PI16: variants seen among roughly 807,000 people sequenced by gnomAD.
PI16 encodes PSP94-binding protein.
A neutral mutation model predicts 38.0 loss-of-function variants in PI16; 35 were observed. The ratio of observed to expected loss-of-function variants is 0.92; its 90% CI spans 0.70 to 1.22. The LOEUF is 1.22. Ranked by LOEUF, PI16 falls within the 50% of genes most tolerant of loss-of-function variation. The probability of loss-of-function intolerance (pLI) is 0.00; values close to 1 mark genes in which losing one functional copy is unlikely to be tolerated. For synonymous variants in PI16, 275 were observed against 252.9 expected (o/e 1.09, Z -0.83); for missense variants, 572 against 593.8 (o/e 0.96, Z 0.38).
At position 36,954,909 on chromosome 6, in the gene PI16, C is replaced by G. The variant is rs751280961; in HGVS notation, c.149C>G (p.Thr50Arg). ...HNLYRAQVSPTASDMLHMRWD... is the reference protein window; with the variant it reads ...HNLYRAQVSPRASDMLHMRWD... Reference sequence around the variant, plus strand: ...CTCTACCGGGCCCAGGTATCCCCGACGGCCTCAGACATGCTGCACATGGTA... The same window carrying G: ...CTCTACCGGGCCCAGGTATCCCCGAGGGCCTCAGACATGCTGCACATGGTA... Residue 50 changes from threonine (T) to arginine (R), a missense_variant, in exon 1 of 7, where the codon ACG becomes AGG. Transcript: ENST00000373674. The G allele has an allele frequency of 3.7e-6, 6 of 1,613,228 alleles. No homozygotes were observed. The South Asian group carries it at 6.6e-5, about 18-fold the overall frequency.
chr6:36,961,459 G>T lies in PI16; in HGVS notation c.402G>T (p.Trp134Cys). 1 of 1,614,180 alleles carries T rather than the reference G, an allele frequency of 6.2e-7. No individual in the cohort carries two copies. Among genetic ancestry groups the T allele is most frequent in the Non-Finnish European group, 8.5e-7 (1 of 1,180,016 alleles). The change falls in exon 3 of 7, where the codon TGG becomes TGT. Residue 134 changes from tryptophan to cysteine, a missense_variant. Physicochemically the swap from Trp to Cys is radical, Grantham distance 215 (BLOSUM62 -2). Transcript: ENST00000373674. ...QMCGHYTQVV[W>C]AKTERIGCGS... ...GGTTTGCCCTTCATCAGGTGGTATG[G>T]GCCAAGACAGAGAGGATCGGCTGTG...
At chr6:36,964,279 G>A (rs1022528561) in intron 6 of PI16, 107 bp from the exon 7 acceptor site, 4 of 214,824 alleles carry the variant, frequency 1.9e-5, no homozygotes, top group African/African-American at 9.3e-5. Context: ...CCAGACAGAG[G>A]ATCTCAGGCT....
intron 1 of PI16, among the ~76,000 whole-genome samples, chr6:36,958,049 A>G (rs573978316): frequency 1.3e-5 from 2 of 152,338 alleles, no homozygotes; most frequent in South Asian, 4.1e-4. Context: ...ACAGCTGTGG[A>G]GCTATCCCAG....
In PI16 at chr6:36,963,508, A is replaced by T; in HGVS notation, c.1166A>T (p.His389Leu). Residue 389 changes from histidine (H) to leucine (L), a missense_variant, in exon 5 of 7, where the codon CAC becomes CTC. By Grantham distance (99) the His-to-Leu change is moderately conservative. Transcript: ENST00000373674. ...GGTGAGCTGCAGGCCACACTGGACC[A>T]CACGGGGCACACCTCCTCCAAGTCC... ...KPGELQATLD[H>L]TGHTSSKSLP... The T allele has an allele frequency of 6.2e-7, 1 of 1,614,180 alleles. No homozygotes were observed. The highest frequency in any genetic ancestry group is 8.5e-7 in the Non-Finnish European group (1 of 1,180,044).
At chr6:36,961,144 G>A (rs994128613) in intron 2 of PI16, among the ~76,000 whole-genome samples, 1 of 151,896 alleles carries the variant, frequency 6.6e-6, no homozygotes, top group African/African-American at 2.4e-5. Flanking sequence ...TTTTTTTCTA[G>A]CCCACAGAAA....
chr6:36,963,692 A>T, intron 5 of PI16, 80 bp downstream of exon 5: 1 of 1,557,600 alleles, frequency 6.4e-7, no homozygotes, highest in South Asian at 1.2e-5. Flanking sequence ...TGGTATGAGC[A>T]TGGTGGGGCA....
At chr6:36,952,955 G>T (rs922733850), upstream of PI16, among the ~76,000 whole-genome samples, 5 of 152,244 alleles carry the variant, frequency 3.3e-5, no homozygotes, top group African/African-American at 1.2e-4. Context: ...CCATTTATTT[G>T]TGTCTTCTTT....
chr6:36,960,372 T>C (rs1415309780), intron 2 of PI16, among the ~76,000 whole-genome samples: 3 of 147,254 alleles, frequency 2.0e-5, no homozygotes, highest in African/African-American at 7.5e-5. Context: ...TGTAGGGGAA[T>C]TAACATTAGT....
At position 36,959,226 on chromosome 6, in the gene PI16, C is replaced by T; in HGVS notation, c.253C>T (p.Arg85Cys). The change falls in exon 2 of 7, where the codon CGC becomes TGC. Residue 85 changes from arginine to cysteine, a missense_variant. By Grantham distance (180) the Arg-to-Cys change is radical. Coordinates refer to ENST00000373674, the MANE Select transcript of PI16 (RefSeq NM_153370.3). ...VWGHNKERGRRGENLFAITDE... is the reference protein window; with the variant it reads ...VWGHNKERGRCGENLFAITDE... Reference sequence around the variant, plus strand: ...GGGCCACAACAAGGAGCGCGGGCGCCGCGGCGAGAATCTGTTCGCCATCAC... The same window carrying T: ...GGGCCACAACAAGGAGCGCGGGCGCTGCGGCGAGAATCTGTTCGCCATCAC... 1 of 1,609,914 alleles carries T rather than the reference C, an allele frequency of 6.2e-7. No individual in the cohort carries two copies. Among genetic ancestry groups the T allele is most frequent in the South Asian group, 1.1e-5 (1 of 90,256 alleles).
chr6:36,963,968 G>A lies in PI16; in HGVS notation c.*18+6G>A. On this transcript the variant is annotated splice_donor_region_variant and intron_variant, in intron 6 of 6. Coordinates refer to ENST00000373674, the MANE Select transcript of PI16 (RefSeq NM_153370.3). ...GAAGGGGATACCACTCAAAGGCAAG[G>A]CCTGGTGAGGGGGGCCCTGGCCTCA... is the stretch of plus-strand genomic sequence containing the variant. 3 of 1,602,032 alleles carry A rather than the reference G, an allele frequency of 1.9e-6. No homozygotes were observed. The highest frequency in any genetic ancestry group is 2.6e-6 in the Non-Finnish European group (3 of 1,175,084).
chr6:36,961,853 C>T, intron 3 of PI16, 33 bp from the exon 4 acceptor site: 1 of 1,572,166 alleles, frequency 6.4e-7, no homozygotes, highest in Non-Finnish European at 8.8e-7. Context: ...GGGGTCGACC[C>T]CCTCCCCGCA....
intron 1 of PI16, among the ~76,000 whole-genome samples, chr6:36,958,696 A>G (rs1763267587): frequency 6.6e-6 from 1 of 152,056 alleles, no homozygotes; most frequent in Admixed American, 6.5e-5. Context: ...AGTCAGGTTC[A>G]TGGTTGAGGG....
chr6:36,962,123 C>T lies in PI16; in HGVS notation c.592+149C>T. The T allele has an allele frequency of 1.6e-6, 1 of 607,972 alleles. No individual in the cohort carries two copies. The highest frequency in any genetic ancestry group is 2.0e-5 in the South Asian group (1 of 50,864). 37.7% of individuals were successfully genotyped at this position (607,972 alleles called of 1,614,324 possible). On this transcript the variant is annotated intron_variant, in intron 4 of 6. Coordinates refer to ENST00000373674, the MANE Select transcript of PI16 (RefSeq NM_153370.3). This position sits in a 1 kb window ranked among gnomAD's most constrained non-coding sequence, Gnocchi z 4.1. ...ACCACCGGGGGCCCCTGGCGGCTCC[C>T]TTAGCCCCCCACGCGCAGCCACTTT...
In PI16 at chr6:36,962,911, G is replaced by A. The variant is rs17624006; in HGVS notation, c.593-24G>A. On this transcript the variant is annotated intron_variant, in intron 4 of 6. Transcript: ENST00000373674. The surrounding 1 kb of genome is among the most constrained non-coding windows in gnomAD (Gnocchi z 4.1). ...GTGGGGTCCTGCTTGCAGCACTCAT[G>A]CCCGTTCTCGTCTGTCTTATCAGAA... 209,168 of 1,581,990 alleles carry A rather than the reference G, an allele frequency of 0.13. 15,109 individuals are homozygous for A. The highest frequency in any genetic ancestry group is 0.2 in the Middle Eastern group (1,121 of 5,584).
rs1336545842 is a variant in PI16 at position 36,962,536 on chromosome 6, G to A, written c.593-399G>A. Among the ~76,000 whole-genome samples, 2 of 151,952 alleles carry A rather than the reference G, an allele frequency of 1.3e-5. No homozygotes were observed. The highest frequency in any genetic ancestry group is 1.9e-4 in the East Asian group (1 of 5,176). ...TGCCCAGGCTAGAGTGCAATGGCTC[G>A]ATCTCGGCTCACCTGCAACCTCCGC... is the stretch of plus-strand genomic sequence containing the variant. On this transcript the variant is annotated intron_variant, in intron 4 of 6. Coordinates refer to ENST00000373674, the MANE Select transcript of PI16 (RefSeq NM_153370.3). This position sits in a 1 kb window ranked among gnomAD's most constrained non-coding sequence, Gnocchi z 4.1.
intron 1 of PI16, among the ~76,000 whole-genome samples, chr6:36,958,673 G>A (rs962408781): frequency 1.3e-5 from 2 of 152,102 alleles, no homozygotes; most frequent in African/African-American, 4.8e-5. Context: ...GGAGAGGAAG[G>A]TGCCGGCCCT....
intron 1 of PI16, among the ~76,000 whole-genome samples, chr6:36,949,651 C>T (rs577010682): frequency 1.3e-5 from 2 of 152,270 alleles, no homozygotes; most frequent in African/African-American, 2.4e-5. Context: ...TGAATTCTTC[C>T]GATTCTTTTC....
upstream of PI16, among the ~76,000 whole-genome samples, chr6:36,953,952 C>T (rs148872613): frequency 3.3e-4 from 50 of 152,356 alleles, no homozygotes; most frequent in African/African-American, 1.1e-3. Context: ...CACATGCATT[C>T]AGAGAGGATA....
upstream of PI16, among the ~76,000 whole-genome samples, chr6:36,949,850 T>C (rs1023428102): frequency 6.6e-6 from 1 of 152,144 alleles, no homozygotes; most frequent in Non-Finnish European, 1.5e-5. Flanking sequence ...GTGACTCAGT[T>C]CCTGATGCAT....
Sources: allele counts gnomAD v4.1 joint callset (sites outside exome capture counted in the v4.1 genomes callset), GRCh38; gene constraint gnomAD v4.1.1; non-coding constraint Gnocchi (gnomAD v3.1); transcripts MANE v1.5; gene names NCBI Gene and HGNC (gene_info 2026-07-23, HGNC 2026-07-21).